CHMP3: variants seen among roughly 807,000 people sequenced by gnomAD.
CHMP3 encodes charged multivesicular body protein 3.
Under a neutral mutation model 27.4 loss-of-function variants are expected in CHMP3, and 8 were observed. The ratio of observed to expected loss-of-function variants is 0.29; its 90% CI spans 0.17 to 0.53. CHMP3 has a LOEUF of 0.53. Among genes scored for constraint, CHMP3 ranks in the 20% least tolerant of loss-of-function variants. The pLI is 0.96. For synonymous variants in CHMP3, 86 were observed against 85.5 expected, an observed-to-expected ratio of 1.01 and a Z score of -0.03; for missense variants, 208 against 271.5, an observed-to-expected ratio of 0.77 and a Z score of 1.64.
At chr2:86,517,304 C>T (rs753798124) in intron 3 of CHMP3, among the ~76,000 whole-genome samples, 5 of 152,126 alleles carry the variant, frequency 3.3e-5, no homozygotes, top group East Asian at 1.9e-4. Flanking sequence ...CAGTGGCTCA[C>T]GCCTGTAATC....
chr2:86,533,340 A>AT (rs1050451839), intron 2 of CHMP3, among the ~76,000 whole-genome samples: 46 of 151,890 alleles, frequency 3.0e-4, no homozygotes, highest in Admixed American at 3.0e-3. Context: ...AGGTGTATAC[A>AT]TTTTTTTGTC....
intron 1 of CHMP3, among the ~76,000 whole-genome samples, chr2:86,558,020 C>A (rs960056672): frequency 6.6e-5 from 10 of 152,168 alleles, no homozygotes; most frequent in Non-Finnish European, 1.5e-4. Context: ...TAGAATCCCA[C>A]AACCATGAGT....
chr2:86,515,095 T>C (rs991995192), intron 3 of CHMP3: 2 of 152,140 alleles, frequency 1.3e-5, no homozygotes, highest in African/African-American at 4.8e-5. Flanking sequence ...CTCTCTGGGT[T>C]CAGGCTCTCT....
At chr2:86,517,580 A>AG (rs1378584000) in intron 3 of CHMP3, among the ~76,000 whole-genome samples, 1 of 151,872 alleles carries the variant, frequency 6.6e-6, no homozygotes, top group East Asian at 1.9e-4. Flanking sequence ...AAAAAAAAAA[A>AG]AAAAAATTAG....
chr2:86,511,820 G>C (rs755736081), intron 3 of CHMP3: 1 of 151,958 alleles, frequency 6.6e-6, no homozygotes, highest in African/African-American at 2.4e-5. Flanking sequence ...AAACATTTTT[G>C]GGCTGAATTA....
At chr2:86,529,945 A>G (rs566056139) in intron 2 of CHMP3, among the ~76,000 whole-genome samples, 1 of 152,338 alleles carries the variant, frequency 6.6e-6, no homozygotes, top group African/African-American at 2.4e-5. Flanking sequence ...GAATAAAGTA[A>G]CATTCACATT....
At chr2:86,508,336 A>C (rs1342590481) in intron 4 of CHMP3, among the ~76,000 whole-genome samples, 2 of 152,174 alleles carry the variant, frequency 1.3e-5, no homozygotes, top group Non-Finnish European at 2.9e-5. Context: ...AACCCAACCT[A>C]GCCCTGCAGT....
At chr2:86,548,241 G>A (rs996060925) in intron 1 of CHMP3, among the ~76,000 whole-genome samples, 2 of 150,644 alleles carry the variant, frequency 1.3e-5, no homozygotes, top group Non-Finnish European at 2.9e-5. Flanking sequence ...CAAAGAGGGG[G>A]ATGTGGCAGG....
intron 3 of CHMP3, among the ~76,000 whole-genome samples, chr2:86,517,840 G>A (rs1675377590): frequency 1.3e-5 from 2 of 151,986 alleles, no homozygotes; most frequent in Admixed American, 1.3e-4. Flanking sequence ...ACCAGCCTGG[G>A]CAACATGGTG....
At chr2:86,508,082 T>C (rs1177244430) in intron 4 of CHMP3, among the ~76,000 whole-genome samples, 1 of 152,208 alleles carries the variant, frequency 6.6e-6, no homozygotes, top group Non-Finnish European at 1.5e-5. Context: ...CTCCAGCTTG[T>C]CCAGGTTACA....
At chr2:86,544,510 TC>T (rs779912675) in intron 1 of CHMP3, among the ~76,000 whole-genome samples, 2 of 152,096 alleles carry the variant, frequency 1.3e-5, no homozygotes, top group South Asian at 2.1e-4. Context: ...AGTGTTTGTG[TC>T]CCTGGGTACT....
At chr2:86,544,066 T>C (rs565462110) in intron 1 of CHMP3, among the ~76,000 whole-genome samples, 3 of 152,230 alleles carry the variant, frequency 2.0e-5, no homozygotes, top group Non-Finnish European at 4.4e-5. Flanking sequence ...GTGTTAACTT[T>C]TCGTTTCTGG....
chr2:86,517,402 T>C (rs1394692224), intron 3 of CHMP3, among the ~76,000 whole-genome samples: 2 of 151,448 alleles, frequency 1.3e-5, no homozygotes, highest in African/African-American at 4.9e-5. Flanking sequence ...TGGTCTCTAC[T>C]AAAAATACAA....
chr2:86,552,676 G>A (rs998408909), intron 1 of CHMP3, among the ~76,000 whole-genome samples: 1 of 152,192 alleles, frequency 6.6e-6, no homozygotes, highest in African/African-American at 2.4e-5. Flanking sequence ...TTACAAGACA[G>A]ACATTATATG....
At chr2:86,520,661 T>C (rs1675486204) in intron 3 of CHMP3, among the ~76,000 whole-genome samples, 1 of 152,210 alleles carries the variant, frequency 6.6e-6, no homozygotes, top group Non-Finnish European at 1.5e-5. Context: ...TTGGTTTAAA[T>C]TTCACAAACG....
chr2:86,520,600 T>C (rs570161612), intron 3 of CHMP3, among the ~76,000 whole-genome samples: 5 of 152,170 alleles, frequency 3.3e-5, no homozygotes, highest in Non-Finnish European at 7.3e-5. Context: ...CTGTAACACA[T>C]AAGTTAAAAA....
intron 3 of CHMP3, among the ~76,000 whole-genome samples, chr2:86,526,491 C>G (rs1334622511): frequency 1.3e-5 from 2 of 152,146 alleles, no homozygotes; most frequent in African/African-American, 4.8e-5. Flanking sequence ...AAAATTTAAA[C>G]CCAGCTACTT....
chr2:86,544,708 G>A (rs1456869872), intron 1 of CHMP3, among the ~76,000 whole-genome samples: 1 of 152,218 alleles, frequency 6.6e-6, no homozygotes, highest in African/African-American at 2.4e-5. Context: ...ATTTTTCTTA[G>A]TACAGAACAA....
At chr2:86,510,269 T>TCCCCCCCC in intron 4 of CHMP3, 89 bp downstream of exon 4, 61 of 1,369,452 alleles carry the variant, frequency 4.5e-5, no homozygotes, top group Middle Eastern at 2.3e-4. Flanking sequence ...AGTCTGTTCA[T>TCCCCCCCC]CCCCACCCAC....
Sources: allele counts gnomAD v4.1 joint callset (sites outside exome capture counted in the v4.1 genomes callset), GRCh38; gene constraint gnomAD v4.1.1; transcripts MANE v1.5; gene names NCBI Gene and HGNC (gene_info 2026-07-23, HGNC 2026-07-21).